VPS13B: variants seen among roughly 807,000 people sequenced by gnomAD.
VPS13B encodes the protein intermembrane lipid transfer protein VPS13B.
Under a neutral mutation model 426.4 loss-of-function variants are expected in VPS13B, and 285 were observed. The ratio of observed to expected loss-of-function variants is 0.67; its 90% confidence interval spans 0.61 to 0.74. The LOEUF is 0.74. Among genes scored for constraint, VPS13B ranks in the 30% least tolerant of loss-of-function variants. VPS13B has a pLI of 0.00. For missense variants in VPS13B, 4,537 were observed against 4,782.6 expected (o/e 0.95, Z 1.51); for synonymous variants, 1,676 against 1,676.4 (o/e 1.00, Z 0.01).
chr8:99,555,121 C>G (rs898356780), intron 30 of VPS13B, among the ~76,000 whole-genome samples: 3 of 152,050 alleles, frequency 2.0e-5, no homozygotes, highest in African/African-American at 7.2e-5. Flanking sequence ...TTGCTTATTC[C>G]ACTCAGGTCT....
chr8:99,625,928 A>G (rs138775746), intron 33 of VPS13B, among the ~76,000 whole-genome samples: 3 of 152,370 alleles, frequency 2.0e-5, no homozygotes, highest in African/African-American at 4.8e-5. Flanking sequence ...AGAAGACTAC[A>G]GTACTAAAAT....
chr8:99,439,201 G>T (rs1410858662), intron 22 of VPS13B, among the ~76,000 whole-genome samples: 5 of 152,094 alleles, frequency 3.3e-5, no homozygotes, highest in Admixed American at 2.0e-4. Context: ...CATATCTGAT[G>T]AAAATAATTG....
At chr8:99,128,178 C>T in intron 8 of VPS13B, among the ~76,000 whole-genome samples, 1 of 151,742 alleles carries the variant, frequency 6.6e-6, no homozygotes, top group Non-Finnish European at 1.5e-5. Flanking sequence ...ATCATGAGGT[C>T]AGGAGTTCGA....
intron 3 of VPS13B, among the ~76,000 whole-genome samples, chr8:99,045,482 T>C (rs1175835561): frequency 6.6e-6 from 1 of 152,174 alleles, no homozygotes; most frequent in Non-Finnish European, 1.5e-5. Context: ...ATTGTGAAGA[T>C]TTTCTCCGAC....
At chr8:99,351,030 A>C (rs1008934190) in intron 19 of VPS13B, among the ~76,000 whole-genome samples, 1 of 152,120 alleles carries the variant, frequency 6.6e-6, no homozygotes, top group Admixed American at 6.5e-5. Flanking sequence ...AATGGTAAAC[A>C]AAAAATAAGA....
At position 99,876,859 on chromosome 8, in the gene VPS13B, A is replaced by G. The variant is rs1056121323; in HGVS notation, c.*1193A>G. 4.6e-5 allele frequency: 7 copies of G among 151,866 alleles called. No homozygotes were observed. In the East Asian group the frequency reaches 9.7e-4, roughly 21 times the overall value. The allele number at this position is 151,866 out of a possible 1,614,324, so 9.4% of individuals were successfully genotyped here. A position where few individuals can be genotyped will look rare whatever the true frequency, so the allele number is the denominator to read the frequency against. On this transcript the variant is annotated 3_prime_UTR_variant, in exon 62 of 62. Transcript: ENST00000357162. The stretch of plus-strand genomic sequence containing the variant: ...GCAATTTTAAATGCCCACTGGTTTT[A>G]TTTGTTTTGGAGAGAGGGTCTCATT...
chr8:99,806,862 G>A (rs1209424213), intron 43 of VPS13B, among the ~76,000 whole-genome samples: 1 of 152,178 alleles, frequency 6.6e-6, no homozygotes, highest in East Asian at 1.9e-4. Context: ...AGCACTCACT[G>A]CCATCCAGTG....
Position 99,642,209 on chromosome 8 carries a change from A to C in VPS13B, c.5619A>C (p.Glu1873Asp), listed in dbSNP as rs760108215. Residue 1873 changes from glutamate (E) to aspartate (D), a missense_variant, in exon 34 of 62, where the codon GAA (glutamate) becomes GAC (aspartate). Around this residue, in one of 2 missense-constraint regions of VPS13B, gnomAD observed 4,311 missense variants for 4,474.3 expected, o/e 0.96. Coordinates refer to ENST00000357162, the MANE Select transcript of VPS13B (RefSeq NM_152564.5). ...CATGTATTTCCACGGTGACAGCAGAAGATCTCTTAAGGAGCAGCATTTCTT... is the reference window on the plus strand; with the variant it reads ...CATGTATTTCCACGGTGACAGCAGACGATCTCTTAAGGAGCAGCATTTCTT... ...NQACISTVTA[E>D]DLLRSSISFP... 1 of 1,614,196 alleles carries C rather than the reference A, an allele frequency of 6.2e-7. No homozygotes were observed. Among genetic ancestry groups the C allele is most frequent in the Non-Finnish European group, 8.5e-7 (1 of 1,180,032 alleles).
At chr8:99,506,773 C>T (rs1001801917) in intron 27 of VPS13B, among the ~76,000 whole-genome samples, 2 of 152,172 alleles carry the variant, frequency 1.3e-5, no homozygotes, top group Non-Finnish European at 2.9e-5. Context: ...GGGTGGATTG[C>T]TTGAGCCCAG....
intron 44 of VPS13B, among the ~76,000 whole-genome samples, chr8:99,810,878 A>C (rs1338441459): frequency 1.3e-5 from 2 of 152,180 alleles, no homozygotes; most frequent in Non-Finnish European, 2.9e-5. Context: ...AGCATAAACG[A>C]AGAGACAAAT....
At chr8:99,778,249 A>AAT (rs1431962908) in intron 41 of VPS13B, among the ~76,000 whole-genome samples, 4 of 151,660 alleles carry the variant, frequency 2.6e-5, no homozygotes, top group African/African-American at 9.7e-5. Context: ...AAAAAAAAAA[A>AAT]TAGCTGTTGT....
Position 99,391,620 on chromosome 8 carries a change from A to G in VPS13B, c.2998A>G (p.Ile1000Val), listed in dbSNP as rs780358313. The G allele has an allele frequency of 3.7e-6, 6 of 1,614,130 alleles. No individual in the cohort carries two copies. The highest frequency in any genetic ancestry group is 4.5e-5 in the East Asian group (2 of 44,880). The change falls in exon 21 of 62, where the codon ATT becomes GTT. Residue 1000 changes from isoleucine to valine, a missense_variant. Ile to Val is a conservative substitution (Grantham distance 29, BLOSUM62 3). Transcript: ENST00000357162. ...VCRRKEDEVS[I>V]GSAPLAKQQS... is the part of the protein sequence containing the mutation. ...TAGAAGGAAAGAGGATGAGGTGTCT[A>G]TTGGAAGTGCCCCCTTGGCAAAGCA...
chr8:99,438,437 A>T (rs1446027182), intron 22 of VPS13B, among the ~76,000 whole-genome samples: 1 of 152,204 alleles, frequency 6.6e-6, no homozygotes. Context: ...GTAAGATTTT[A>T]TATTTAATCC....
chr8:99,027,691 A>G (rs1025959286), intron 2 of VPS13B, among the ~76,000 whole-genome samples: 1 of 151,682 alleles, frequency 6.6e-6, no homozygotes, highest in Non-Finnish European at 1.5e-5. Flanking sequence ...CTCTTGGCCT[A>G]TGTTTCTGCT....
intron 15 of VPS13B, among the ~76,000 whole-genome samples, chr8:99,164,368 C>T (rs144882120): frequency 0.022 from 3,287 of 152,214 alleles, 53 homozygotes; most frequent in Non-Finnish European, 0.034. Flanking sequence ...AAGCCTTTTC[C>T]TGTAAACGCC....
intron 23 of VPS13B, among the ~76,000 whole-genome samples, chr8:99,459,972 C>T (rs1375128494): frequency 7.9e-5 from 12 of 152,058 alleles, no homozygotes; most frequent in South Asian, 2.1e-4. Context: ...CAGCTTTTTA[C>T]GTTAAACTTA....
intron 2 of VPS13B, among the ~76,000 whole-genome samples, chr8:99,014,692 C>CAA (rs574786628): frequency 8.0e-4 from 49 of 61,212 alleles, no homozygotes; most frequent in East Asian, 5.3e-3. Context: ...GAAAAAAAGA[C>CAA]AAAAAAAAAA....
chr8:99,641,981 C>T lies in VPS13B; in HGVS notation c.5391C>T (p.Pro1797=). Residue 1797 remains proline (P), a synonymous_variant, in exon 34 of 62, where the codon CCC becomes CCT. Coordinates refer to ENST00000357162, the MANE Select transcript of VPS13B (RefSeq NM_152564.5). ...SGASQHRIAR[P]SRQSSIVKNL... Reference sequence around the variant, plus strand: ...CCAGTCAGCATCGCATTGCCCGTCCCTCACGCCAGTCATCAATTGTAAAAA... The same window carrying T: ...CCAGTCAGCATCGCATTGCCCGTCCTTCACGCCAGTCATCAATTGTAAAAA... 6.2e-7 allele frequency: 1 copy of T among 1,614,124 alleles called. No individual in the cohort carries two copies. Among genetic ancestry groups the T allele is most frequent in the South Asian group, 1.1e-5 (1 of 91,076 alleles).
At chr8:99,667,548 T>TTATATATCA (rs1830537254) in intron 35 of VPS13B, among the ~76,000 whole-genome samples, 1 of 152,190 alleles carries the variant, frequency 6.6e-6, no homozygotes, top group Admixed American at 6.6e-5. Flanking sequence ...ATATCAGCTG[T>TTATATATCA]GTGTGACTTC....
Sources: allele counts gnomAD v4.1 joint callset (sites outside exome capture counted in the v4.1 genomes callset), GRCh38; gene constraint gnomAD v4.1.1; regional missense constraint gnomAD v4.1.1; transcripts MANE v1.5; gene names NCBI Gene and HGNC (gene_info 2026-07-23, HGNC 2026-07-21).